The following FNDC8 variants were observed in gnomAD, a reference collection of about 807,000 sequenced individuals.
FNDC8 encodes the protein fibronectin type III domain-containing protein 8.
A neutral mutation model predicts 24.8 loss-of-function variants in FNDC8; 23 were observed. The observed-to-expected ratio is 0.93, with a 90% CI of 0.67 to 1.31. The LOEUF is 1.31. FNDC8 is among the 40% of genes most tolerant of loss of function. The pLI is 0.00. For synonymous variants in FNDC8, 158 were observed against 165.3 expected, an observed-to-expected ratio of 0.96 and a Z score of 0.34; for missense variants, 371 against 398.2, an observed-to-expected ratio of 0.93 and a Z score of 0.58.
intron 1 of FNDC8, among the ~76,000 whole-genome samples, chr17:35,124,873 C>T (rs971409646): frequency 6.6e-6 from 1 of 151,468 alleles, no homozygotes; most frequent in Non-Finnish European, 1.5e-5. Context: ...CATGGTAAAA[C>T]CCCATCTCTA....
chr17:35,122,672 G>A (rs1344666632), intron 1 of FNDC8, among the ~76,000 whole-genome samples: 3 of 152,068 alleles, frequency 2.0e-5, no homozygotes, highest in African/African-American at 7.2e-5. Context: ...CTGCTCCCCA[G>A]TAGCCTGCCT....
chr17:35,129,204 AC>A, intron 2 of FNDC8: 1 of 589,586 alleles, frequency 1.7e-6, no homozygotes, highest in Non-Finnish European at 3.0e-6. Flanking sequence ...ATGAGGGTGT[AC>A]CCTAAAGTGG....
chr17:35,121,835 A>C lies in FNDC8; in HGVS notation c.142A>C (p.Lys48Gln), dbSNP rs573416915. 1 of 1,613,766 alleles carries C rather than the reference A, an allele frequency of 6.2e-7. No homozygotes were observed. Among genetic ancestry groups the C allele is most frequent in the Non-Finnish European group, 8.5e-7 (1 of 1,179,938 alleles). ...PKSMNRTVTT[K>Q]GLPLASKGNL... Reference sequence around the variant, plus strand: ...GTCTATGAACCGGACCGTCACTACCAAAGGACTCCCACTAGCCTCAAAGGG... The same window carrying C: ...GTCTATGAACCGGACCGTCACTACCCAAGGACTCCCACTAGCCTCAAAGGG... Residue 48 changes from lysine to glutamine, a missense_variant, in exon 1 of 4, where the codon AAA becomes CAA. Coordinates refer to ENST00000158009, the MANE Select transcript of FNDC8 (RefSeq NM_017559.4).
chr17:35,130,700 G>T lies in FNDC8; in HGVS notation c.*266G>T. The T allele has an allele frequency of 2.2e-6, 1 of 451,134 alleles. No homozygotes were observed. Among genetic ancestry groups the T allele is most frequent in the Non-Finnish European group, 4.0e-6 (1 of 250,714 alleles). The allele number at this position is 451,134 out of a possible 1,614,324, so 27.9% of individuals were successfully genotyped here. A position where few individuals can be genotyped will look rare whatever the true frequency, so the allele number is the denominator to read the frequency against. On this transcript the variant is annotated 3_prime_UTR_variant, in exon 4 of 4. Coordinates refer to ENST00000158009, the MANE Select transcript of FNDC8 (RefSeq NM_017559.4). ...TCCTCCAAATCTGGGCTGGGTCTAGGTCCCTCATTAAAGAACTGCAGGTCA... is the reference window on the plus strand; with the variant it reads ...TCCTCCAAATCTGGGCTGGGTCTAGTTCCCTCATTAAAGAACTGCAGGTCA...
chr17:35,130,520 A>C lies in FNDC8; in HGVS notation c.*86A>C. ...CCAGAGCCATGAGACCTACCATACCACCAGCACCCTGCGGGCCCGGGGTCT... is the reference window on the plus strand; with the variant it reads ...CCAGAGCCATGAGACCTACCATACCCCCAGCACCCTGCGGGCCCGGGGTCT... On this transcript the variant is annotated 3_prime_UTR_variant, in exon 4 of 4. Coordinates refer to ENST00000158009, the MANE Select transcript of FNDC8 (RefSeq NM_017559.4). The C allele has an allele frequency of 7.1e-7, 1 of 1,402,582 alleles. No homozygotes were observed. The highest frequency in any genetic ancestry group is 9.8e-7 in the Non-Finnish European group (1 of 1,024,974). 86.9% of individuals were successfully genotyped at this position (1,402,582 alleles called of 1,614,324 possible). A position where few individuals can be genotyped will look rare whatever the true frequency, so the allele number is the denominator to read the frequency against.
intron 1 of FNDC8, among the ~76,000 whole-genome samples, chr17:35,122,158 A>ATATATATATATATGTG (rs1491226739): frequency 1.4e-4 from 2 of 14,452 alleles, no homozygotes. Context: ...GCTAATTTTC[A>ATATATATATATATGTG]TATATATATA....
At chr17:35,129,734 G>A (rs2091865279) in intron 3 of FNDC8, 76 bp downstream of exon 3, 1 of 1,548,986 alleles carries the variant, frequency 6.5e-7, no homozygotes, top group African/African-American at 1.4e-5. Flanking sequence ...TGGAGGTTGG[G>A]AACACCCCTA....
intron 1 of FNDC8, among the ~76,000 whole-genome samples, chr17:35,126,820 G>A (rs866611579): frequency 1.5e-4 from 23 of 152,286 alleles, no homozygotes; most frequent in Middle Eastern, 6.8e-3. Context: ...TAAAGATGCG[G>A]ATTCTCTAGT....
In FNDC8 at chr17:35,130,136, C is replaced by T. The variant is rs559981508; in HGVS notation, c.823-146C>T. The T allele has an allele frequency of 7.9e-5, 115 of 1,447,030 alleles. No individual in the cohort carries two copies. The African/African-American group carries it at 1.4e-3, about 17-fold the overall frequency. 89.6% of individuals were successfully genotyped at this position (1,447,030 alleles called of 1,614,324 possible). On this transcript the variant is annotated intron_variant, in intron 3 of 3. Coordinates refer to ENST00000158009, the MANE Select transcript of FNDC8 (RefSeq NM_017559.4). ...CAGGCTTGAGTCATGCATCTTTGCACCTGTTTCCTGCGTCAATGGCTAGGT... is the reference window on the plus strand; with the variant it reads ...CAGGCTTGAGTCATGCATCTTTGCATCTGTTTCCTGCGTCAATGGCTAGGT...
At chr17:35,124,514 G>A (rs1281500429) in intron 1 of FNDC8, among the ~76,000 whole-genome samples, 1 of 152,054 alleles carries the variant, frequency 6.6e-6, no homozygotes, top group African/African-American at 2.4e-5. Context: ...CTGAGAGAGT[G>A]AGACTCCATC....
At position 35,129,687 on chromosome 17, in the gene FNDC8, G is replaced by A. The variant is rs1336757719; in HGVS notation, c.822+29G>A. On this transcript the variant is annotated intron_variant, in intron 3 of 3. Coordinates refer to ENST00000158009, the MANE Select transcript of FNDC8 (RefSeq NM_017559.4). ...AGCCCTGGGAAAAGAGGGGCCTTGG[G>A]GGTGGAGAGAAGTCCAAAGCCAGGG... 6.2e-7 allele frequency: 1 copy of A among 1,606,032 alleles called. No individual in the cohort carries two copies. The highest frequency in any genetic ancestry group is 1.7e-5 in the Admixed American group (1 of 58,552).
At position 35,130,269 on chromosome 17, in the gene FNDC8, T is replaced by C. The variant is rs979289115; in HGVS notation, c.823-13T>C. 2 of 1,612,684 alleles carry C rather than the reference T, an allele frequency of 1.2e-6. No homozygotes were observed. The highest frequency in any genetic ancestry group is 2.7e-5 in the African/African-American group (2 of 74,956). On this transcript the variant is annotated splice_polypyrimidine_tract_variant and intron_variant, in intron 3 of 3. Transcript: ENST00000158009. Reference sequence around the variant, plus strand: ...GGGAAGGAACTCTGAAGGGTTTTCTTGTTTCACTTCAGTTTGCAACCCTGG... The same window carrying C: ...GGGAAGGAACTCTGAAGGGTTTTCTCGTTTCACTTCAGTTTGCAACCCTGG...
rs747729554 is a variant in FNDC8, at chr17:35,121,919, G to GTCCCTCCC, written c.209+39_209+46dup. Reference sequence around the variant, plus strand: ...CAACCTACTGTAAGTCACAAATCTGGTCCCTCCCTCCCTCCCTCCCTCCCT... The same window carrying GTCCCTCCC: ...CAACCTACTGTAAGTCACAAATCTGGTCCCTCCCTCCCTCCCTCCCTCCCTCCCTCCCT... On this transcript the variant is annotated intron_variant, in intron 1 of 3. Coordinates refer to ENST00000158009, the MANE Select transcript of FNDC8 (RefSeq NM_017559.4). 24 of 1,578,638 alleles carry GTCCCTCCC rather than the reference G, an allele frequency of 1.5e-5. 1 individual carries two copies. In the South Asian group the frequency reaches 1.8e-4, roughly 12 times the overall value.
chr17:35,129,429 G>T lies in FNDC8; in HGVS notation c.593G>T (p.Trp198Leu). The T allele has an allele frequency of 6.2e-7, 1 of 1,613,464 alleles. No homozygotes were observed. The highest frequency in any genetic ancestry group is 1.1e-5 in the South Asian group (1 of 91,068). ...TVNNSTAVIS[W>L]TYALGKQPVS... ...GGCTCTCTCTTCCCCTAGATTTCCT[G>T]GACCTACGCCTTGGGCAAGCAGCCG... Residue 198 changes from tryptophan to leucine, a missense_variant, in exon 3 of 4, where the codon TGG (tryptophan) becomes TTG (leucine). Trp to Leu is a moderately conservative substitution (Grantham distance 61). Transcript: ENST00000158009.
chr17:35,122,208 A>ATATATATATATATATAT (rs1567738641), intron 1 of FNDC8, among the ~76,000 whole-genome samples: 3 of 9,158 alleles, frequency 3.3e-4, no homozygotes, highest in African/African-American at 5.0e-4. Flanking sequence ...ATATATATAT[A>ATATATATATATATATAT]AATTTTTTTT....
In FNDC8 at chr17:35,122,517, A is replaced by G. The variant is rs73989543; in HGVS notation, c.209+615A>G. 5.2e-3 allele frequency among the ~76,000 whole-genome samples: 790 copies of G among 152,056 alleles called. 3 individuals carry two copies. The highest frequency in any genetic ancestry group is 0.018 in the African/African-American group (741 of 41,484). Reference sequence around the variant, plus strand: ...TGGAGGCATATGGAGCTCCCACTCCAGGAGGCCTTCTTGGATTAGTCAGTT... The same window carrying G: ...TGGAGGCATATGGAGCTCCCACTCCGGGAGGCCTTCTTGGATTAGTCAGTT... On this transcript the variant is annotated intron_variant, in intron 1 of 3. Transcript: ENST00000158009.
chr17:35,127,490 G>A, intron 2 of FNDC8, 73 bp downstream of exon 2: 4 of 1,459,258 alleles, frequency 2.7e-6, no homozygotes, highest in Non-Finnish European at 3.6e-6. Flanking sequence ...CATGGGTAGT[G>A]AGAAGGTGCC....
intron 3 of FNDC8, chr17:35,129,948 G>T: frequency 7.3e-7 from 1 of 1,373,900 alleles, no homozygotes; most frequent in South Asian, 1.7e-5. Context: ...GCCCATGATT[G>T]TGAGTAGGCT....
In FNDC8 at chr17:35,129,598, C is replaced by T. The variant is rs780092274; in HGVS notation, c.762C>T (p.Tyr254=). The part of the protein sequence containing the change: ...KLMELKPNTC[Y]CLSVRAANTA... ...TGGAGCTAAAGCCTAACACGTGTTACTGCCTCAGTGTCCGTGCAGCCAACA... is the reference window on the plus strand; with the variant it reads ...TGGAGCTAAAGCCTAACACGTGTTATTGCCTCAGTGTCCGTGCAGCCAACA... Residue 254 remains tyrosine (Y), a synonymous_variant, in exon 3 of 4, where the codon TAC becomes TAT. Coordinates refer to ENST00000158009, the MANE Select transcript of FNDC8 (RefSeq NM_017559.4). The T allele has an allele frequency of 8.7e-6, 14 of 1,614,168 alleles. No homozygotes were observed. The highest frequency in any genetic ancestry group is 1.1e-5 in the Non-Finnish European group (13 of 1,180,026).
Sources: gnomAD v4.1 joint callset for allele counts (sites outside exome capture counted in the v4.1 genomes callset) on GRCh38, gnomAD v4.1.1 for gene constraint, MANE v1.5 for transcripts, NCBI Gene and HGNC (gene_info 2026-07-23, HGNC 2026-07-21) for gene names.